LINGO2: variants seen among roughly 807,000 people sequenced by gnomAD.
LINGO2 encodes leucine-rich repeat and immunoglobulin-like domain-containing nogo receptor-interacting protein 2.
LINGO2 carries 14 observed loss-of-function variants against 30.6 expected under a neutral mutation model. The ratio of observed to expected loss-of-function variants is 0.46; its 90% CI spans 0.30 to 0.72. The LOEUF (loss-of-function observed/expected upper bound fraction) is 0.72, where lower values mean the gene tolerates loss of function less well. Among genes scored for constraint, LINGO2 ranks in the 30% least tolerant of loss-of-function variants. The pLI is 0.07. For synonymous variants in LINGO2, 317 were observed against 288.5 expected, an observed-to-expected ratio of 1.10 and a Z score of -1.00; for missense variants, 729 against 751.7, an observed-to-expected ratio of 0.97 and a Z score of 0.35.
downstream of LINGO2, among the ~76,000 whole-genome samples, chr9:27,944,743 C>A (rs952697252): frequency 2.6e-5 from 4 of 152,026 alleles, no homozygotes; most frequent in African/African-American, 7.2e-5. Context: ...GATAATAAGT[C>A]TTTACCTAAG....
At chr9:28,989,000 G>C in the LINGO2 span, among the ~76,000 whole-genome samples, 889 of 152,194 alleles carry the variant, frequency 5.8e-3, 8 homozygotes, top group African/African-American at 0.021. Context: ...TGTTCTTGCT[G>C]ACATCACTCC....
chr9:28,840,868 T>G, the LINGO2 span, among the ~76,000 whole-genome samples: 1 of 151,804 alleles, frequency 6.6e-6, no homozygotes, highest in Non-Finnish European at 1.5e-5. Context: ...TCTCATACAT[T>G]CTTCCTCTCA....
intron 5 of LINGO2, among the ~76,000 whole-genome samples, chr9:27,981,535 A>C (rs1820855015): frequency 3.4e-5 from 3 of 87,256 alleles, no homozygotes; most frequent in African/African-American, 1.6e-4. Flanking sequence ...CGAGGATGGC[A>C]AAAAAAAAAA....
At chr9:28,416,951 C>T (rs1458676812) in intron 2 of LINGO2, among the ~76,000 whole-genome samples, 2 of 152,078 alleles carry the variant, frequency 1.3e-5, no homozygotes, top group Non-Finnish European at 2.9e-5. Flanking sequence ...CATGGGTACA[C>T]ATATGCATTT....
At chr9:29,090,194 A>G in the LINGO2 span, among the ~76,000 whole-genome samples, 1 of 152,142 alleles carries the variant, frequency 6.6e-6, no homozygotes, top group African/African-American at 2.4e-5. Context: ...GCTTGCATGC[A>G]TCACAATGTA....
chr9:28,898,674 A>T, the LINGO2 span, among the ~76,000 whole-genome samples: 1 of 152,096 alleles, frequency 6.6e-6, no homozygotes, highest in Non-Finnish European at 1.5e-5. Flanking sequence ...CTCCAAATAC[A>T]GTTGTTATTT....
intron 4 of LINGO2, among the ~76,000 whole-genome samples, chr9:28,257,832 A>T (rs1031694651): frequency 2.0e-5 from 3 of 151,900 alleles, no homozygotes; most frequent in African/African-American, 4.8e-5. Flanking sequence ...TGGTTGTTCC[A>T]ATACATCATT....
rs550531017 is a variant in LINGO2 at position 28,439,874 on chromosome 9, C to G, written c.-279+36066G>C. Among the ~76,000 whole-genome samples the G allele has an allele frequency of 2.0e-4, 31 of 152,274 alleles. No individual in the cohort carries two copies. The East Asian group carries it at 5.2e-3, about 26-fold the overall frequency. ...ACTTTAAGGTCTGTCGTATGATTCA[C>G]ATTGCCATCACCTTCCCTCCCATGG... On this transcript the variant is annotated intron_variant, in intron 2 of 5. Transcript: ENST00000379992.
the LINGO2 span, among the ~76,000 whole-genome samples, chr9:28,938,414 CT>C: frequency 6.6e-6 from 1 of 152,020 alleles, no homozygotes; most frequent in South Asian, 2.1e-4. Flanking sequence ...TCTCTCTCTC[CT>C]TTTACATTTT....
chr9:28,914,589 A>AT, the LINGO2 span, among the ~76,000 whole-genome samples: 10 of 151,716 alleles, frequency 6.6e-5, no homozygotes, highest in East Asian at 5.8e-4. Context: ...TTATACATGG[A>AT]TTTTTTTTTC....
chr9:28,548,530 C>T (rs112717322), intron 1 of LINGO2, among the ~76,000 whole-genome samples: 127 of 151,366 alleles, frequency 8.4e-4, no homozygotes, highest in African/African-American at 2.5e-3. Flanking sequence ...ATGGTGAAAC[C>T]CTGTCTCTAC....
the LINGO2 span, among the ~76,000 whole-genome samples, chr9:28,967,406 T>G: frequency 6.6e-6 from 1 of 152,172 alleles, no homozygotes; most frequent in Non-Finnish European, 1.5e-5. Flanking sequence ...CCTAGGGGAC[T>G]GAAGAAAATG....
chr9:28,531,993 T>C (rs761100909), intron 1 of LINGO2, among the ~76,000 whole-genome samples: 4 of 152,184 alleles, frequency 2.6e-5, no homozygotes, highest in Non-Finnish European at 5.9e-5. Flanking sequence ...TTTTAAACTG[T>C]TATGGGAGCA....
At chr9:28,675,811 C>T in the LINGO2 span, among the ~76,000 whole-genome samples, 14,267 of 148,712 alleles carry the variant, frequency 0.096, 881 homozygotes, top group East Asian at 0.2. Context: ...GCAGAGGTTG[C>T]AGTGAGCCGA....
At chr9:28,612,406 A>G (rs1825957430) in intron 1 of LINGO2, among the ~76,000 whole-genome samples, 1 of 152,140 alleles carries the variant, frequency 6.6e-6, no homozygotes, top group Admixed American at 6.5e-5. Context: ...TGTTGATTCT[A>G]TATCTGGACA....
chr9:29,139,153 C>T, the LINGO2 span, among the ~76,000 whole-genome samples: 1 of 152,114 alleles, frequency 6.6e-6, no homozygotes, highest in South Asian at 2.1e-4. Flanking sequence ...AGACTTGGAT[C>T]CTCAGCTCAA....
At chr9:29,071,482 CATATATATATATAT>C in the LINGO2 span, among the ~76,000 whole-genome samples, 33 of 120,870 alleles carry the variant, frequency 2.7e-4, no homozygotes, top group East Asian at 2.4e-4. Context: ...ATTAACTGGT[CATATATATATATAT>C]ATATATATAT....
At chr9:29,139,995 T>G in the LINGO2 span, among the ~76,000 whole-genome samples, 1 of 151,998 alleles carries the variant, frequency 6.6e-6, no homozygotes, top group African/African-American at 2.4e-5. Flanking sequence ...AAAATCTCTA[T>G]TGAAATTTAC....
intron 1 of LINGO2, among the ~76,000 whole-genome samples, chr9:28,512,059 G>T (rs974232218): frequency 3.3e-5 from 3 of 92,026 alleles, no homozygotes; most frequent in African/African-American, 1.6e-4. Flanking sequence ...GGAGGCCATG[G>T]GCATTTGAGC....
Sources: allele counts gnomAD v4.1 joint callset (sites outside exome capture counted in the v4.1 genomes callset), GRCh38; gene constraint gnomAD v4.1.1; transcripts MANE v1.5; gene names NCBI Gene and HGNC (gene_info 2026-07-23, HGNC 2026-07-21).